The following MMP14 variants were observed in gnomAD, a reference collection of about 807,000 sequenced individuals.
The protein encoded by MMP14 is matrix metallopeptidase 14.
A neutral mutation model predicts 64.8 loss-of-function variants in MMP14; 13 were observed. That is an observed-to-expected ratio of 0.20 (90% confidence interval 0.13 to 0.32). The LOEUF (loss-of-function observed/expected upper bound fraction) is 0.32. MMP14 is among the 10% of genes least tolerant of loss of function. The pLI, the probability that MMP14 is intolerant of heterozygous loss-of-function variation, is 1.00. For missense variants in MMP14, 594 were observed against 783.8 expected (o/e 0.76, Z 2.89); for synonymous variants, 322 against 315.9 (o/e 1.02, Z -0.20).
Position 22,845,705 on chromosome 14 carries a change from C to A in MMP14, c.1418-3C>A, listed in dbSNP as rs1190200450. Reference sequence around the variant, plus strand: ...TTACCACCTTCTGATTCACTCCCTGCAGTCTTCACTTACTTCTACAAGGGG... The same window carrying A: ...TTACCACCTTCTGATTCACTCCCTGAAGTCTTCACTTACTTCTACAAGGGG... On this transcript the variant is annotated splice_region_variant and splice_polypyrimidine_tract_variant and intron_variant, in intron 9 of 9. Coordinates refer to ENST00000311852, the MANE Select transcript of MMP14 (RefSeq NM_004995.4). 1.2e-6 allele frequency: 2 copies of A among 1,613,446 alleles called. No individual in the cohort carries two copies. The highest frequency in any genetic ancestry group is 1.3e-5 in the African/African-American group (1 of 74,930).
In MMP14 at chr14:22,842,766, T is replaced by A; in HGVS notation, c.688+49T>A. Reference sequence around the variant, plus strand: ...TACTCTGGAAAAAGCCAACAGTCATTTGTAGGGGTGGTTCCCCTCCCTCCT... The same window carrying A: ...TACTCTGGAAAAAGCCAACAGTCATATGTAGGGGTGGTTCCCCTCCCTCCT... On this transcript the variant is annotated intron_variant, in intron 4 of 9. Coordinates refer to ENST00000311852, the MANE Select transcript of MMP14 (RefSeq NM_004995.4). This position sits in a 1 kb window ranked among gnomAD's most constrained non-coding sequence, Gnocchi z 5.3. 12 of 1,542,832 alleles carry A rather than the reference T, an allele frequency of 7.8e-6. No individual in the cohort carries two copies. Among genetic ancestry groups the A allele is most frequent in the Non-Finnish European group, 1.1e-5 (12 of 1,140,214 alleles).
rs773318174 is a variant in MMP14, at chr14:22,836,770, C to T, written c.-48C>T. Reference sequence around the variant, plus strand: ...TGGCGGTGCGACCCCAGGGCGTGGGCCCGGCCGCGGAGCCCACACTGCCCG... The same window carrying T: ...TGGCGGTGCGACCCCAGGGCGTGGGTCCGGCCGCGGAGCCCACACTGCCCG... On this transcript the variant is annotated 5_prime_UTR_variant, in exon 1 of 10. Transcript: ENST00000311852. 55 of 1,277,442 alleles carry T rather than the reference C, an allele frequency of 4.3e-5. No homozygotes were observed. Among genetic ancestry groups the T allele is most frequent in the South Asian group, 3.0e-4 (21 of 69,922 alleles). 79.1% of individuals were successfully genotyped at this position (1,277,442 alleles called of 1,614,324 possible). A position where few individuals can be genotyped will look rare whatever the true frequency, so the allele number is the denominator to read the frequency against.
At chr14:22,838,682 GGTCCCTCCTACCAGGCCTCCAGAGTCCT>G (rs1306349357) in intron 1 of MMP14, among the ~76,000 whole-genome samples, 18 of 152,138 alleles carry the variant, frequency 1.2e-4, no homozygotes, top group Non-Finnish European at 1.6e-4. Flanking sequence ...CATGCAGCTG[GGTCCCTCCTACCAGGCCTCCAGAGTCCT>G]GCACCAGCTC....
intron 1 of MMP14, among the ~76,000 whole-genome samples, chr14:22,839,845 C>A (rs1194161787): frequency 6.6e-6 from 1 of 152,092 alleles, no homozygotes; most frequent in Non-Finnish European, 1.5e-5. Context: ...ACAGCCGCTT[C>A]CTGAACTCCC....
chr14:22,844,270 T>G, intron 6 of MMP14, 101 bp from the exon 7 acceptor site: 1 of 1,534,422 alleles, frequency 6.5e-7, no homozygotes, highest in Non-Finnish European at 8.8e-7. Flanking sequence ...GACTAAAAAC[T>G]AAAACTGAGG....
chr14:22,845,375 G>A lies in MMP14; in HGVS notation c.1417+9G>A, dbSNP rs1452879320. 1.3e-6 allele frequency: 2 copies of A among 1,574,966 alleles called. No homozygotes were observed. The highest frequency in any genetic ancestry group is 8.7e-7 in the Non-Finnish European group (1 of 1,151,402). On this transcript the variant is annotated intron_variant, in intron 9 of 9. Coordinates refer to ENST00000311852, the MANE Select transcript of MMP14 (RefSeq NM_004995.4). ...CATGGGCAGCGATGAAGGTGAGAGG[G>A]GCAAGGGAAGGTGTCGCTGAGAGAA...
chr14:22,843,803 G>T lies in MMP14; in HGVS notation c.944G>T (p.Gly315Val). The change falls in exon 6 of 10, where the codon GGG becomes GTG. Residue 315 changes from glycine to valine, a missense_variant. By Grantham distance (109) the Gly-to-Val change is moderately radical. Transcript: ENST00000311852. This position sits in a 1 kb window ranked among gnomAD's most constrained non-coding sequence, Gnocchi z 4.8. ...VPDKPKNPTYGPNICDGNFDT... is the reference protein window; with the variant it reads ...VPDKPKNPTYVPNICDGNFDT... ...GATAAACCCAAAAACCCCACCTATG[G>T]GCCCAACATCTGTGACGGGAACTTT... is the stretch of plus-strand genomic sequence containing the variant. 6.2e-7 allele frequency: 1 copy of T among 1,613,614 alleles called. No homozygotes were observed. The highest frequency in any genetic ancestry group is 8.5e-7 in the Non-Finnish European group (1 of 1,179,920).
At position 22,842,213 on chromosome 14, in the gene MMP14, C is replaced by A. The variant is rs2039777612; in HGVS notation, c.380+178C>A. On this transcript the variant is annotated intron_variant, in intron 3 of 9. Coordinates refer to ENST00000311852, the MANE Select transcript of MMP14 (RefSeq NM_004995.4). The surrounding 1 kb of genome is among the most constrained non-coding windows in gnomAD (Gnocchi z 5.3). ...GAGAGGTGTAGCCATCAAGGGTGCA[C>A]CCCAGTGCCAGAGAGCCAGAGCCTG... 6 of 1,030,898 alleles carry A rather than the reference C, an allele frequency of 5.8e-6. No homozygotes were observed. Among genetic ancestry groups the A allele is most frequent in the Non-Finnish European group, 8.4e-6 (6 of 711,876 alleles). The allele number at this position is 1,030,898 out of a possible 1,614,324, so 63.9% of individuals were successfully genotyped here. A position where few individuals can be genotyped will look rare whatever the true frequency, so the allele number is the denominator to read the frequency against.
In MMP14 at chr14:22,841,558, A is replaced by C; in HGVS notation, c.176A>C (p.Gln59Pro). The change falls in exon 2 of 10, where the codon CAG (glutamine) becomes CCG (proline). Residue 59 changes from glutamine (Q) to proline (P), a missense_variant. By Grantham distance (76) the Gln-to-Pro change is moderately conservative (BLOSUM62 -1). Transcript: ENST00000311852. ...DLRTHTQRSPQSLSAAIAAMQ... is the reference protein window; with the variant it reads ...DLRTHTQRSPPSLSAAIAAMQ... ...CGTACCCACACACAGCGCTCACCCC[A>C]GTCACTCTCAGCGGCCATCGCTGCC... is the stretch of plus-strand genomic sequence containing the variant. The C allele has an allele frequency of 6.2e-7, 1 of 1,614,112 alleles. No homozygotes were observed. The highest frequency in any genetic ancestry group is 1.3e-5 in the African/African-American group (1 of 75,022).
intron 6 of MMP14, 41 bp from the exon 7 acceptor site, chr14:22,844,330 G>T (rs539678916): frequency 6.2e-7 from 1 of 1,610,058 alleles, no homozygotes; most frequent in African/African-American, 1.3e-5. Flanking sequence ...GACCTAGGCC[G>T]CAAGACATAA....
chr14:22,845,589 T>C, intron 9 of MMP14, 119 bp from the exon 10 acceptor site: 1 of 1,100,810 alleles, frequency 9.1e-7, no homozygotes, highest in South Asian at 1.4e-5. Context: ...AGGAAGCTGA[T>C]GCTCACGAAG....
intron 2 of MMP14, 108 bp downstream of exon 2, chr14:22,841,747 C>T (rs2039774502): frequency 1.9e-6 from 3 of 1,550,638 alleles, no homozygotes; most frequent in Admixed American, 1.8e-5. Flanking sequence ...TCCCCCATAT[C>T]TCATCCCCAC....
Position 22,842,109 on chromosome 14 carries a change from C to G in MMP14, c.380+74C>G. 1.9e-6 allele frequency: 3 copies of G among 1,581,484 alleles called. No individual in the cohort carries two copies. The highest frequency in any genetic ancestry group is 2.6e-6 in the Non-Finnish European group (3 of 1,156,234). On this transcript the variant is annotated intron_variant, in intron 3 of 9. Coordinates refer to ENST00000311852, the MANE Select transcript of MMP14 (RefSeq NM_004995.4). This position sits in a 1 kb window ranked among gnomAD's most constrained non-coding sequence, Gnocchi z 5.3. ...TACCCATTGTGCTTATGCAGGGACT[C>G]AGAGACCCCCTGCCCCACTCCCCTC...
At chr14:22,840,286 G>C (rs1024931601) in intron 1 of MMP14, among the ~76,000 whole-genome samples, 1 of 152,108 alleles carries the variant, frequency 6.6e-6, no homozygotes, top group Non-Finnish European at 1.5e-5. Context: ...TTACTTTGAG[G>C]CTTTAAGAAA....
At chr14:22,844,066 G>A (rs1449483599) in intron 6 of MMP14, among the ~76,000 whole-genome samples, 196 bp downstream of exon 6, 5 of 152,082 alleles carry the variant, frequency 3.3e-5, no homozygotes, top group Non-Finnish European at 7.4e-5. Context: ...GTGTGGTGGT[G>A]GGCGCCTATG....
intron 1 of MMP14, among the ~76,000 whole-genome samples, chr14:22,839,846 C>A (rs954840711): frequency 6.6e-6 from 1 of 152,090 alleles, no homozygotes; most frequent in African/African-American, 2.4e-5. Context: ...CAGCCGCTTC[C>A]TGAACTCCCT....
intron 2 of MMP14, 110 bp downstream of exon 2, chr14:22,841,749 C>G: frequency 6.5e-7 from 1 of 1,550,220 alleles, no homozygotes; most frequent in Non-Finnish European, 8.8e-7. Context: ...CCCCATATCT[C>G]ATCCCCACGT....
At chr14:22,838,142 A>G (rs1354976656) in intron 1 of MMP14, among the ~76,000 whole-genome samples, 1 of 152,180 alleles carries the variant, frequency 6.6e-6, no homozygotes, top group East Asian at 1.9e-4. Context: ...GAGTGCTCAG[A>G]GACCAGGGAG....
At chr14:22,844,251 C>A in intron 6 of MMP14, 120 bp from the exon 7 acceptor site, 2 of 1,435,360 alleles carry the variant, frequency 1.4e-6, no homozygotes, top group Non-Finnish European at 1.9e-6. Flanking sequence ...GTGGAAGTGA[C>A]AACAGCTGGA....
Sources: allele counts gnomAD v4.1 joint callset (sites outside exome capture counted in the v4.1 genomes callset), GRCh38; gene constraint gnomAD v4.1.1; non-coding constraint Gnocchi (gnomAD v3.1); transcripts MANE v1.5; gene names NCBI Gene and HGNC (gene_info 2026-07-23, HGNC 2026-07-21).